Variants in APBA2 observed in about 807,000 individuals in gnomAD.
APBA2 encodes the protein amyloid-beta A4 precursor protein-binding family A member 2.
APBA2 carries 30 observed loss-of-function variants against 75.0 expected under a neutral mutation model. That is an observed-to-expected ratio of 0.40 (90% CI 0.30 to 0.54). The LOEUF (loss-of-function observed/expected upper bound fraction) is 0.54, where lower values mean the gene tolerates loss of function less well. Ranked by LOEUF, APBA2 falls within the 20% of genes least tolerant of loss-of-function variation. The pLI, the probability that APBA2 is intolerant of heterozygous loss-of-function variation, is 0.49. For synonymous variants in APBA2, 444 were observed against 409.6 expected, an observed-to-expected ratio of 1.08 and a Z score of -1.01; for missense variants, 801 against 1,016.1, an observed-to-expected ratio of 0.79 and a Z score of 2.88.
chr15:28,926,526 C>T (rs1419843715), intron 2 of APBA2, among the ~76,000 whole-genome samples: 2 of 151,958 alleles, frequency 1.3e-5, no homozygotes, highest in African/African-American at 4.8e-5. Flanking sequence ...TATATCGTTA[C>T]CATTATTGCA....
chr15:29,102,747 G>A, intron 10 of APBA2: 1 of 123,580 alleles, frequency 8.1e-6, no homozygotes, highest in Non-Finnish European at 1.8e-5. Flanking sequence ...TGACAAGAGT[G>A]AAACTCCGTC....
At chr15:28,984,812 C>T (rs1422212493) in intron 2 of APBA2, among the ~76,000 whole-genome samples, 1 of 151,198 alleles carries the variant, frequency 6.6e-6, no homozygotes, top group Non-Finnish European at 1.5e-5. Flanking sequence ...CTCTCTCTCC[C>T]CCCTCCCACT....
intron 1 of APBA2, among the ~76,000 whole-genome samples, chr15:28,919,888 G>A (rs1025626101): frequency 6.6e-6 from 1 of 152,174 alleles, no homozygotes; most frequent in Non-Finnish European, 1.5e-5. Context: ...TGGGTGCTCC[G>A]TGTGGCGACA....
At chr15:28,915,959 A>C (rs1346381005) in intron 1 of APBA2, among the ~76,000 whole-genome samples, 2 of 152,020 alleles carry the variant, frequency 1.3e-5, no homozygotes, top group East Asian at 3.8e-4. Flanking sequence ...CCACCACATC[A>C]CATACTCTGT....
At chr15:29,116,408 C>A (rs1414794528) in intron 14 of APBA2, among the ~76,000 whole-genome samples, 1 of 152,100 alleles carries the variant, frequency 6.6e-6, no homozygotes, top group African/African-American at 2.4e-5. Flanking sequence ...GGGCGTATCA[C>A]GAGGTCGGGA....
At chr15:29,017,762 T>C (rs923872047) in intron 3 of APBA2, among the ~76,000 whole-genome samples, 1 of 152,356 alleles carries the variant, frequency 6.6e-6, no homozygotes, top group Non-Finnish European at 1.5e-5. Flanking sequence ...TTACTTTGGC[T>C]CTCTGAGGGC....
intron 2 of APBA2, among the ~76,000 whole-genome samples, chr15:28,963,955 A>G (rs2171894): frequency 0.063 from 9,552 of 152,246 alleles, 815 homozygotes; most frequent in East Asian, 0.41. Context: ...AACCACCACC[A>G]CAATCAAGAT....
At chr15:28,922,512 G>A (rs1052518825) in intron 2 of APBA2, among the ~76,000 whole-genome samples, 19 of 152,294 alleles carry the variant, frequency 1.2e-4, no homozygotes, top group African/African-American at 4.1e-4. Flanking sequence ...TGTCCCGCAG[G>A]AGCTCTGTGC....
chr15:28,921,612 C>G (rs1483831345), intron 1 of APBA2, 28 bp from the exon 2 acceptor site: 1 of 152,276 alleles, frequency 6.6e-6, no homozygotes, highest in Non-Finnish European at 1.5e-5. Flanking sequence ...GTTGACGCTT[C>G]ATTTGTTTGT....
At chr15:29,044,632 C>T (rs992967259) in intron 3 of APBA2, among the ~76,000 whole-genome samples, 1 of 152,086 alleles carries the variant, frequency 6.6e-6, no homozygotes, top group African/African-American at 2.4e-5. Context: ...GGACCTGGGC[C>T]TTGGATTGAC....
At chr15:29,074,115 C>G (rs1006884200) in intron 4 of APBA2, among the ~76,000 whole-genome samples, 1 of 152,066 alleles carries the variant, frequency 6.6e-6, no homozygotes, top group Non-Finnish European at 1.5e-5. Flanking sequence ...TAGAGTTATC[C>G]TATGATCCAG....
intron 2 of APBA2, among the ~76,000 whole-genome samples, chr15:28,941,401 A>G (rs1446703535): frequency 6.6e-6 from 1 of 151,496 alleles, no homozygotes; most frequent in Admixed American, 6.6e-5. Flanking sequence ...CGGAAAGGAC[A>G]GAGGACGATG....
At chr15:29,016,897 G>C (rs2039688294) in intron 3 of APBA2, among the ~76,000 whole-genome samples, 2 of 151,826 alleles carry the variant, frequency 1.3e-5, no homozygotes, top group Non-Finnish European at 2.9e-5. Flanking sequence ...TTTATCTTCA[G>C]ATTTTAACCT....
chr15:28,952,046 G>A (rs1192598859), intron 2 of APBA2, among the ~76,000 whole-genome samples: 3 of 151,826 alleles, frequency 2.0e-5, no homozygotes, highest in South Asian at 2.1e-4. Flanking sequence ...GCACCACCAC[G>A]CCTGGCTAAT....
At chr15:28,911,992 C>G (rs1289266794) in intron 1 of APBA2, among the ~76,000 whole-genome samples, 1 of 152,190 alleles carries the variant, frequency 6.6e-6, no homozygotes, top group Non-Finnish European at 1.5e-5. Flanking sequence ...CTTCGGAAAT[C>G]CTATATAGCA....
intron 1 of APBA2, among the ~76,000 whole-genome samples, chr15:28,891,594 G>T (rs552571479): frequency 2.0e-5 from 3 of 152,308 alleles, no homozygotes; most frequent in South Asian, 2.1e-4. Flanking sequence ...GACATGGTTG[G>T]TGGGACATGA....
At chr15:29,012,076 A>G (rs1595723438) in intron 3 of APBA2, among the ~76,000 whole-genome samples, 1 of 152,236 alleles carries the variant, frequency 6.6e-6, no homozygotes, top group African/African-American at 2.4e-5. Context: ...TGTTGTTAAC[A>G]TCTCACATTA....
chr15:29,114,648 T>G (rs2152985002), intron 14 of APBA2, among the ~76,000 whole-genome samples: 1 of 148,734 alleles, frequency 6.7e-6, no homozygotes, highest in Admixed American at 6.7e-5. Flanking sequence ...TGGGTGTGTG[T>G]GGGATGTGAT....
intron 2 of APBA2, among the ~76,000 whole-genome samples, chr15:28,975,916 A>C (rs773017963): frequency 1.8e-4 from 27 of 152,362 alleles, no homozygotes; most frequent in Middle Eastern, 6.8e-3. Context: ...CCCCTGGAGG[A>C]AACAGGATGC....
Sources: allele counts gnomAD v4.1 joint callset (sites outside exome capture counted in the v4.1 genomes callset), GRCh38; gene constraint gnomAD v4.1.1; transcripts MANE v1.5; gene names NCBI Gene and HGNC (gene_info 2026-07-23, HGNC 2026-07-21).